Variants in SSBP2 observed in about 807,000 individuals in gnomAD.
The protein encoded by SSBP2 is single stranded DNA binding protein 2.
SSBP2 carries 17 observed loss-of-function variants against 61.8 expected under a neutral mutation model. The ratio of observed to expected loss-of-function variants is 0.28; its 90% CI spans 0.19 to 0.41. The LOEUF (loss-of-function observed/expected upper bound fraction) is 0.41, where lower values mean the gene tolerates loss of function less well. SSBP2 is among the 10% of genes least tolerant of loss of function. SSBP2 has a pLI of 1.00. For synonymous variants in SSBP2, 139 were observed against 141.3 expected (o/e 0.98, Z 0.12); for missense variants, 310 against 458.7 (o/e 0.68, Z 2.96).
chr5:81,594,795 G>A (rs1328048616), intron 4 of SSBP2, among the ~76,000 whole-genome samples: 1 of 152,136 alleles, frequency 6.6e-6, no homozygotes, highest in Non-Finnish European at 1.5e-5. Context: ...TGAAACCAAT[G>A]AGAACAAAGA....
intron 5 of SSBP2, among the ~76,000 whole-genome samples, chr5:81,495,587 T>C (rs1205106530): frequency 6.6e-6 from 1 of 152,208 alleles, no homozygotes; most frequent in East Asian, 1.9e-4. Flanking sequence ...TAGTACACTG[T>C]GGTATAACAT....
intron 4 of SSBP2, among the ~76,000 whole-genome samples, chr5:81,540,585 G>A (rs775241391): frequency 6.6e-6 from 1 of 151,922 alleles, no homozygotes; most frequent in Non-Finnish European, 1.5e-5. Context: ...CTTTTTCATG[G>A]GGTTGTTTTT....
At chr5:81,738,974 G>A (rs1479085178) in intron 1 of SSBP2, among the ~76,000 whole-genome samples, 1 of 151,794 alleles carries the variant, frequency 6.6e-6, no homozygotes, top group Non-Finnish European at 1.5e-5. Context: ...AGACCAGCCT[G>A]GCCAACATAG....
At chr5:81,586,525 TGTCATA>T (rs1775064289) in intron 4 of SSBP2, among the ~76,000 whole-genome samples, 1 of 151,694 alleles carries the variant, frequency 6.6e-6, no homozygotes, top group Admixed American at 6.6e-5. Flanking sequence ...TTATTACATA[TGTCATA>T]ACAGAACATG....
intron 5 of SSBP2, among the ~76,000 whole-genome samples, chr5:81,496,683 A>C (rs1459722431): frequency 1.3e-5 from 2 of 151,962 alleles, no homozygotes; most frequent in East Asian, 1.9e-4. Context: ...GCCTTTTAGA[A>C]ACATGTTCAA....
chr5:81,428,839 A>C (rs1162463330), intron 15 of SSBP2, among the ~76,000 whole-genome samples, 156 bp from the exon 16 acceptor site: 1 of 152,166 alleles, frequency 6.6e-6, no homozygotes, highest in African/African-American at 2.4e-5. Context: ...CATTCTTTGC[A>C]CTTTGACAAG....
intron 4 of SSBP2, among the ~76,000 whole-genome samples, chr5:81,573,772 A>G (rs1479978594): frequency 6.6e-6 from 1 of 152,206 alleles, no homozygotes; most frequent in East Asian, 1.9e-4. Flanking sequence ...ATCTGGAAAC[A>G]AAGAGAAACA....
Position 81,694,111 on chromosome 5 carries a change from G to C in SSBP2, c.63-43772C>G, listed in dbSNP as rs141247678. Among the ~76,000 whole-genome samples the C allele has an allele frequency of 7.8e-3, 1,189 of 152,254 alleles. 21 individuals are homozygous for C. The highest frequency in any genetic ancestry group is 0.027 in the African/African-American group (1,136 of 41,542). ...ACTTTGCATGTTCTCAGGTATTTGT[G>C]GGAGCTAAAAATTAAAACAATTGAA... On this transcript the variant is annotated intron_variant, in intron 1 of 16. Coordinates refer to ENST00000320672, the MANE Select transcript of SSBP2 (RefSeq NM_012446.5).
chr5:81,708,225 GCT>G (rs1266149455), intron 1 of SSBP2, among the ~76,000 whole-genome samples: 1 of 152,086 alleles, frequency 6.6e-6, no homozygotes, highest in African/African-American at 2.4e-5. Flanking sequence ...CCTTCAAGGA[GCT>G]CTCTCTACAG....
chr5:81,662,295 G>A (rs1237536417), intron 1 of SSBP2, among the ~76,000 whole-genome samples: 1 of 151,944 alleles, frequency 6.6e-6, no homozygotes, highest in Non-Finnish European at 1.5e-5. Flanking sequence ...GTGAAACCCT[G>A]TCTCTACTAA....
chr5:81,720,667 C>G (rs976358448), intron 1 of SSBP2, among the ~76,000 whole-genome samples: 1 of 152,212 alleles, frequency 6.6e-6, no homozygotes, highest in Non-Finnish European at 1.5e-5. Flanking sequence ...CACTTCCCCC[C>G]TCTCTGCCTC....
At chr5:81,525,389 T>C (rs1293942670) in intron 4 of SSBP2, among the ~76,000 whole-genome samples, 1 of 151,992 alleles carries the variant, frequency 6.6e-6, no homozygotes, top group Non-Finnish European at 1.5e-5. Flanking sequence ...TGTGTCCACA[T>C]CTTTTAATCA....
chr5:81,546,894 T>C (rs982838579), intron 4 of SSBP2, among the ~76,000 whole-genome samples: 1 of 151,224 alleles, frequency 6.6e-6, no homozygotes, highest in Non-Finnish European at 1.5e-5. Flanking sequence ...AAAACCTTTA[T>C]AGAACATATT....
At chr5:81,441,835 A>C (rs1763059998) in intron 13 of SSBP2, among the ~76,000 whole-genome samples, 1 of 152,198 alleles carries the variant, frequency 6.6e-6, no homozygotes, top group Non-Finnish European at 1.5e-5. Context: ...GAAATAATTG[A>C]CTTTAAACTT....
chr5:81,749,502 G>T (rs1024321778), intron 1 of SSBP2, among the ~76,000 whole-genome samples: 1 of 152,170 alleles, frequency 6.6e-6, no homozygotes, highest in Non-Finnish European at 1.5e-5. Context: ...TATTTACGCA[G>T]CTATTTCTGT....
intron 1 of SSBP2, among the ~76,000 whole-genome samples, chr5:81,705,566 A>T (rs1754314927): frequency 6.6e-6 from 1 of 152,006 alleles, no homozygotes; most frequent in Non-Finnish European, 1.5e-5. Flanking sequence ...CCAATTAACT[A>T]CATCGCAATT....
intron 10 of SSBP2, among the ~76,000 whole-genome samples, chr5:81,451,469 C>T (rs1461744352): frequency 1.3e-5 from 2 of 152,072 alleles, no homozygotes; most frequent in African/African-American, 2.4e-5. Context: ...TCTTGTTGCC[C>T]AGGCTGGAGT....
intron 1 of SSBP2, among the ~76,000 whole-genome samples, chr5:81,708,228 C>T (rs1754532108): frequency 6.6e-6 from 1 of 152,068 alleles, no homozygotes; most frequent in South Asian, 2.1e-4. Flanking sequence ...TCAAGGAGCT[C>T]TCTCTACAGA....
intron 1 of SSBP2, among the ~76,000 whole-genome samples, chr5:81,743,083 C>T (rs1757134465): frequency 6.6e-6 from 1 of 152,090 alleles, no homozygotes; most frequent in Non-Finnish European, 1.5e-5. Flanking sequence ...CCCCACTGTC[C>T]TTCAGAACAA....
Sources: allele counts gnomAD v4.1 joint callset (sites outside exome capture counted in the v4.1 genomes callset), GRCh38; gene constraint gnomAD v4.1.1; transcripts MANE v1.5; gene names NCBI Gene and HGNC (gene_info 2026-07-23, HGNC 2026-07-21).